CALN1: variants seen among roughly 807,000 people sequenced by gnomAD.
The protein encoded by CALN1 is calcium-binding protein 8.
A neutral mutation model predicts 30.6 loss-of-function variants in CALN1; 17 were observed. That is an observed-to-expected ratio of 0.56 (90% CI 0.38 to 0.83). CALN1 has a LOEUF of 0.83. CALN1 is among the 40% of genes least tolerant of loss of function. CALN1 has a pLI of 0.00. For synonymous variants in CALN1, 156 were observed against 131.4 expected (o/e 1.19, Z -1.28); for missense variants, 291 against 354.9 (o/e 0.82, Z 1.45).
At chr7:72,004,530 A>G (rs947716353) in intron 5 of CALN1, among the ~76,000 whole-genome samples, 4 of 152,182 alleles carry the variant, frequency 2.6e-5, no homozygotes, top group African/African-American at 7.2e-5. Flanking sequence ...AAAAATCGAA[A>G]AGCTAGACCA....
chr7:72,261,480 T>C (rs553819699), intron 3 of CALN1, among the ~76,000 whole-genome samples: 2 of 151,930 alleles, frequency 1.3e-5, no homozygotes, highest in South Asian at 2.1e-4. Flanking sequence ...GTGCAGTGGC[T>C]GGAGTGCGAT....
intron 2 of CALN1, among the ~76,000 whole-genome samples, chr7:72,319,266 A>G (rs1406351747): frequency 6.6e-6 from 1 of 152,140 alleles, no homozygotes; most frequent in Non-Finnish European, 1.5e-5. Flanking sequence ...GGTTCCACAG[A>G]CTCACGGTTC....
At chr7:72,179,058 TTAGA>T (rs1344949170) in intron 3 of CALN1, among the ~76,000 whole-genome samples, 2 of 152,200 alleles carry the variant, frequency 1.3e-5, no homozygotes, top group African/African-American at 2.4e-5. Context: ...AAGGTAAAAC[TTAGA>T]TATTTTCTCA....
intron 5 of CALN1, among the ~76,000 whole-genome samples, chr7:71,836,070 T>C (rs1226409769): frequency 6.6e-6 from 1 of 152,144 alleles, no homozygotes; most frequent in Non-Finnish European, 1.5e-5. Context: ...TGAGAAAAAC[T>C]TGCCTTGAGT....
At chr7:72,194,300 C>T (rs551585780) in intron 3 of CALN1, among the ~76,000 whole-genome samples, 1 of 152,278 alleles carries the variant, frequency 6.6e-6, no homozygotes, top group African/African-American at 2.4e-5. Context: ...GAGGCCGAGG[C>T]AGGTGGATCA....
chr7:71,942,453 C>A, intron 5 of CALN1: 1 of 167,266 alleles, frequency 6.0e-6, no homozygotes. Context: ...AGCAAGAGGC[C>A]TGGAAGTTGC....
At chr7:72,238,965 T>C (rs1334398605) in intron 3 of CALN1, among the ~76,000 whole-genome samples, 4 of 152,158 alleles carry the variant, frequency 2.6e-5, no homozygotes, top group African/African-American at 9.7e-5. Flanking sequence ...TGGACAAAGC[T>C]AGGAAGCAGG....
At chr7:72,044,593 T>A (rs955740180) in intron 4 of CALN1, among the ~76,000 whole-genome samples, 3 of 139,876 alleles carry the variant, frequency 2.1e-5, no homozygotes, top group African/African-American at 7.9e-5. Context: ...TAATTTCCGC[T>A]TAAAACTTTT....
chr7:72,270,523 G>C (rs1351898090), intron 3 of CALN1, among the ~76,000 whole-genome samples: 4 of 152,160 alleles, frequency 2.6e-5, no homozygotes, highest in Non-Finnish European at 4.4e-5. Flanking sequence ...TGTAATCCCA[G>C]TACTTTGGGA....
intron 5 of CALN1, among the ~76,000 whole-genome samples, chr7:71,843,283 C>T (rs556878272): frequency 2.0e-5 from 3 of 152,024 alleles, no homozygotes; most frequent in Non-Finnish European, 4.4e-5. Flanking sequence ...AAATAAAGAA[C>T]GAACCAGCCA....
At chr7:72,361,560 G>C (rs1322947506) in intron 2 of CALN1, among the ~76,000 whole-genome samples, 3 of 152,084 alleles carry the variant, frequency 2.0e-5, no homozygotes, top group Admixed American at 1.3e-4. Flanking sequence ...AGATTAATTT[G>C]TACATGTAAA....
chr7:71,861,107 C>A (rs79539567), intron 5 of CALN1, among the ~76,000 whole-genome samples: 2,743 of 152,184 alleles, frequency 0.018, 89 homozygotes, highest in East Asian at 0.11. Flanking sequence ...TGCATGGAGA[C>A]ATGCATGCTT....
chr7:72,212,476 C>T (rs1431494531), intron 3 of CALN1, among the ~76,000 whole-genome samples: 1 of 152,016 alleles, frequency 6.6e-6, no homozygotes, highest in Non-Finnish European at 1.5e-5. Flanking sequence ...ATATCTTCAT[C>T]TTCAATCAAT....
At chr7:71,982,643 C>G (rs974264954) in intron 5 of CALN1, among the ~76,000 whole-genome samples, 3 of 152,044 alleles carry the variant, frequency 2.0e-5, no homozygotes, top group African/African-American at 7.2e-5. Flanking sequence ...TCTAAATTAA[C>G]AGAAATACAA....
intron 5 of CALN1, among the ~76,000 whole-genome samples, chr7:71,897,955 T>G: frequency 1.1e-5 from 1 of 89,644 alleles, no homozygotes; most frequent in African/African-American, 4.4e-5. Flanking sequence ...GGAGTAGTGT[T>G]GGAAAAAAAC....
intron 4 of CALN1, among the ~76,000 whole-genome samples, chr7:72,054,454 T>TAC (rs1554425464): frequency 5.6e-4 from 63 of 113,140 alleles, no homozygotes; most frequent in African/African-American, 1.9e-3. Context: ...TATACATATA[T>TAC]ATACATATAT....
rs558258825 is a variant in CALN1 at position 71,883,977 on chromosome 7, G to A, written c.502-73485C>T. Among the ~76,000 whole-genome samples, 48 of 152,166 alleles carry A rather than the reference G, an allele frequency of 3.2e-4. No individual in the cohort carries two copies. The East Asian group carries it at 8.5e-3, about 27-fold the overall frequency. On this transcript the variant is annotated intron_variant, in intron 5 of 6. Coordinates refer to ENST00000395275, the MANE Select transcript of CALN1 (RefSeq NM_031468.4). The stretch of plus-strand genomic sequence containing the variant: ...TTGCCAGGTTGGAGTGAAGTGGCGC[G>A]ATCTTGGCTCACTGCAATCTCCGCC...
At chr7:72,342,930 G>A (rs1802451239) in intron 2 of CALN1, among the ~76,000 whole-genome samples, 1 of 152,114 alleles carries the variant, frequency 6.6e-6, no homozygotes, top group African/African-American at 2.4e-5. Context: ...ATGGAATCCA[G>A]GATTCACTAA....
intron 3 of CALN1, among the ~76,000 whole-genome samples, chr7:72,174,362 C>A (rs1221743120): frequency 1.3e-5 from 2 of 152,104 alleles, no homozygotes; most frequent in African/African-American, 4.8e-5. Context: ...TATCATGCAA[C>A]CCACCCACTC....
Sources: allele counts gnomAD v4.1 joint callset (sites outside exome capture counted in the v4.1 genomes callset), GRCh38; gene constraint gnomAD v4.1.1; transcripts MANE v1.5; gene names NCBI Gene and HGNC (gene_info 2026-07-23, HGNC 2026-07-21).